MAD1L1: variants seen among roughly 807,000 people sequenced by gnomAD.
MAD1L1 encodes the protein mitotic spindle assembly checkpoint protein MAD1.
In MAD1L1, 95 loss-of-function variants were observed where a neutral mutation model predicts 96.9. The ratio of observed to expected loss-of-function variants is 0.98; its 90% CI spans 0.83 to 1.16. MAD1L1 has a LOEUF of 1.16. MAD1L1 is among the 50% of genes most tolerant of loss of function. The probability of loss-of-function intolerance (pLI) is 0.00; values close to 1 mark genes in which losing one functional copy is unlikely to be tolerated. For synonymous variants in MAD1L1, 473 were observed against 396.6 expected, an observed-to-expected ratio of 1.19 and a Z score of -2.29; for missense variants, 1,007 against 954.4, an observed-to-expected ratio of 1.06 and a Z score of -0.73.
intron 11 of MAD1L1, among the ~76,000 whole-genome samples, chr7:2,090,357 A>G (rs748038033): frequency 1.2e-4 from 19 of 152,216 alleles, no homozygotes; most frequent in Non-Finnish European, 2.2e-4. Flanking sequence ...AAACCTCCCA[A>G]TGATCCTTAC....
At chr7:1,853,327 G>A (rs767541941) in intron 18 of MAD1L1, among the ~76,000 whole-genome samples, 11 of 152,184 alleles carry the variant, frequency 7.2e-5, no homozygotes, top group Non-Finnish European at 1.5e-4. Flanking sequence ...CCTCCCCTGT[G>A]GGTGGCACAG....
intron 17 of MAD1L1, among the ~76,000 whole-genome samples, chr7:1,902,978 C>G (rs1787350068): frequency 6.6e-6 from 1 of 152,020 alleles, no homozygotes; most frequent in South Asian, 2.1e-4. Context: ...GACCCAGTGG[C>G]CTACAGAAGA....
chr7:1,871,205 C>T (rs1267848193), intron 18 of MAD1L1, among the ~76,000 whole-genome samples: 2 of 138,966 alleles, frequency 1.4e-5, no homozygotes, highest in Non-Finnish European at 3.1e-5. Context: ...ATGCTGAACC[C>T]ACCGTAACAC....
chr7:2,116,318 T>C (rs1787689455), intron 11 of MAD1L1, among the ~76,000 whole-genome samples: 1 of 152,150 alleles, frequency 6.6e-6, no homozygotes, highest in Admixed American at 6.5e-5. Flanking sequence ...GCCTGACTCA[T>C]CTCATATTCC....
chr7:2,059,858 T>C (rs144046508), intron 12 of MAD1L1, among the ~76,000 whole-genome samples: 24 of 152,132 alleles, frequency 1.6e-4, no homozygotes, highest in East Asian at 7.7e-4. Context: ...AACACATACA[T>C]AGAAGATCAA....
At chr7:2,047,778 T>C (rs1783990668) in intron 12 of MAD1L1, among the ~76,000 whole-genome samples, 1 of 151,756 alleles carries the variant, frequency 6.6e-6, no homozygotes, top group African/African-American at 2.4e-5. Context: ...GAGCTGCCTC[T>C]GCAGACACAT....
intron 11 of MAD1L1, among the ~76,000 whole-genome samples, chr7:2,125,483 G>C (rs984977643): frequency 2.6e-5 from 4 of 152,198 alleles, no homozygotes. Context: ...CTCAGGATGA[G>C]ACTGTAACAG....
intron 11 of MAD1L1, among the ~76,000 whole-genome samples, chr7:2,117,143 C>A (rs1177665828): frequency 1.3e-5 from 2 of 152,202 alleles, no homozygotes; most frequent in East Asian, 3.9e-4. Flanking sequence ...AGCTAAGAGT[C>A]TCCTGCAACA....
chr7:1,917,506 G>A (rs1303949722), intron 17 of MAD1L1, among the ~76,000 whole-genome samples: 2 of 152,360 alleles, frequency 1.3e-5, no homozygotes, highest in East Asian at 3.9e-4. Context: ...GGGCTCAGGG[G>A]AAGCGCCTGT....
At chr7:1,843,758 G>A (rs995487580) in intron 18 of MAD1L1, among the ~76,000 whole-genome samples, 3 of 152,170 alleles carry the variant, frequency 2.0e-5, no homozygotes, top group Non-Finnish European at 4.4e-5. Context: ...AGAGCCCGCT[G>A]CAAGAAGAAG....
In MAD1L1 at chr7:2,098,338, G is replaced by A. The variant is rs1049107721; in HGVS notation, c.1074-29000C>T. Among the ~76,000 whole-genome samples the A allele has an allele frequency of 1.1e-4, 16 of 152,324 alleles. No homozygotes were observed. The Middle Eastern group carries it at 0.01, about 97-fold the overall frequency. On this transcript the variant is annotated intron_variant, in intron 11 of 18. Transcript: ENST00000265854. ...CACAGATGAGGCCTGCGCAGCACAC[G>A]CCACGGGGACCCAGGTGCTCAGTCC...
At chr7:1,881,874 G>C (rs746720850) in intron 18 of MAD1L1, among the ~76,000 whole-genome samples, 1 of 152,196 alleles carries the variant, frequency 6.6e-6, no homozygotes, top group Non-Finnish European at 1.5e-5. Context: ...TAAGCCATGA[G>C]GAATTCTCTA....
At chr7:2,214,818 AC>A (rs886294969) in intron 9 of MAD1L1, among the ~76,000 whole-genome samples, 2 of 151,592 alleles carry the variant, frequency 1.3e-5, no homozygotes, top group African/African-American at 4.9e-5. Context: ...AAGACAGAAC[AC>A]CCCCAGCACA....
At chr7:1,888,731 G>A (rs1230606224) in intron 18 of MAD1L1, among the ~76,000 whole-genome samples, 1 of 152,058 alleles carries the variant, frequency 6.6e-6, no homozygotes, top group East Asian at 1.9e-4. Flanking sequence ...GTGGGTGGCT[G>A]TGCATGGGTG....
intron 16 of MAD1L1, among the ~76,000 whole-genome samples, chr7:1,945,630 C>T (rs1392572562): frequency 2.6e-5 from 4 of 152,216 alleles, no homozygotes; most frequent in Non-Finnish European, 5.9e-5. Context: ...CTGCAGACGC[C>T]ATGGGGTGCC....
At chr7:1,998,632 T>G (rs1781658774) in intron 14 of MAD1L1, among the ~76,000 whole-genome samples, 1 of 152,154 alleles carries the variant, frequency 6.6e-6, no homozygotes, top group African/African-American at 2.4e-5. Flanking sequence ...AAAAGGGTCC[T>G]CACTGAAGGG....
intron 12 of MAD1L1, among the ~76,000 whole-genome samples, chr7:2,031,035 G>A (rs1584130921): frequency 6.6e-6 from 1 of 152,200 alleles, no homozygotes; most frequent in Non-Finnish European, 1.5e-5. Flanking sequence ...ATTCGGAGGA[G>A]CCCCCAGGAG....
chr7:2,102,526 G>A (rs1231431316), intron 11 of MAD1L1, among the ~76,000 whole-genome samples: 4 of 147,038 alleles, frequency 2.7e-5, no homozygotes, highest in African/African-American at 1.0e-4. Context: ...CCATTCTCAC[G>A]TCACCATCAC....
intron 11 of MAD1L1, among the ~76,000 whole-genome samples, chr7:2,126,405 T>C (rs1343336076): frequency 6.6e-6 from 1 of 152,142 alleles, no homozygotes; most frequent in Non-Finnish European, 1.5e-5. Context: ...GCAGCAGATG[T>C]GGACCAGACC....
Sources: gnomAD v4.1 joint callset for allele counts (sites outside exome capture counted in the v4.1 genomes callset) on GRCh38, gnomAD v4.1.1 for gene constraint, MANE v1.5 for transcripts, NCBI Gene and HGNC (gene_info 2026-07-23, HGNC 2026-07-21) for gene names.